TENM3: variants seen among roughly 807,000 people sequenced by gnomAD.
TENM3 encodes teneurin-3.
Under a neutral mutation model 255.1 loss-of-function variants are expected in TENM3, and 63 were observed. The ratio of observed to expected loss-of-function variants is 0.25; its 90% CI spans 0.20 to 0.30. TENM3 has a LOEUF of 0.30. Ranked by LOEUF, TENM3 falls within the 10% of genes least tolerant of loss-of-function variation. The probability of loss-of-function intolerance (pLI) is 1.00; values close to 1 mark genes in which losing one functional copy is unlikely to be tolerated. For synonymous variants in TENM3, 1,306 were observed against 1,322.3 expected, an observed-to-expected ratio of 0.99 and a Z score of 0.27; for missense variants, 2,929 against 3,461.1, an observed-to-expected ratio of 0.85 and a Z score of 3.86.
the TENM3 span, among the ~76,000 whole-genome samples, chr4:181,647,581 C>T: frequency 6.6e-6 from 1 of 151,952 alleles, no homozygotes; most frequent in Non-Finnish European, 1.5e-5. Context: ...ACGAAACAGC[C>T]GCAAGATAAA....
the TENM3 span, among the ~76,000 whole-genome samples, chr4:181,784,112 A>G: frequency 6.6e-6 from 1 of 151,768 alleles, no homozygotes. Context: ...TAGCTGCAAT[A>G]ATGACATTCT....
In TENM3 at chr4:182,515,247, G is replaced by T. The variant is rs1580798132; in HGVS notation, c.512-85677G>T. Among the ~76,000 whole-genome samples, 3 of 152,318 alleles carry T rather than the reference G, an allele frequency of 2.0e-5. No individual in the cohort carries two copies. The East Asian group carries it at 5.8e-4, about 29-fold the overall frequency. ...GGCCTTAAAGGGAAAATATATTGAT[G>T]TGGGTGACAGTCACTAAGTGAGGCG... is the stretch of plus-strand genomic sequence containing the variant. On this transcript the variant is annotated intron_variant, in intron 3 of 27. Coordinates refer to ENST00000511685, the MANE Select transcript of TENM3 (RefSeq NM_001080477.4).
intron 3 of TENM3, among the ~76,000 whole-genome samples, chr4:182,407,094 C>G (rs962047708): frequency 4.6e-5 from 7 of 152,148 alleles, no homozygotes; most frequent in Non-Finnish European, 1.0e-4. Flanking sequence ...ACAGGCTGAT[C>G]TGTGATGTGT....
chr4:182,263,903 T>C (rs1026266744), intron 1 of TENM3, among the ~76,000 whole-genome samples: 2 of 152,162 alleles, frequency 1.3e-5, no homozygotes, highest in African/African-American at 4.8e-5. Context: ...GTCTGTGTTT[T>C]ATCACTTGTA....
intron 1 of TENM3, among the ~76,000 whole-genome samples, chr4:182,185,113 G>T (rs763433710): frequency 4.6e-5 from 7 of 152,038 alleles, no homozygotes; most frequent in Admixed American, 1.3e-4. Flanking sequence ...TCAGACTTTT[G>T]GAAGGAGGAC....
chr4:181,527,205 A>G, the TENM3 span, among the ~76,000 whole-genome samples: 1 of 152,242 alleles, frequency 6.6e-6, no homozygotes, highest in Non-Finnish European at 1.5e-5. Flanking sequence ...GATTTCACAG[A>G]TGAATGATTT....
chr4:182,724,161 T>G (rs1759980841), intron 13 of TENM3, among the ~76,000 whole-genome samples: 1 of 152,218 alleles, frequency 6.6e-6, no homozygotes, highest in Non-Finnish European at 1.5e-5. Flanking sequence ...GCATTTCTGA[T>G]TTATGTAGAT....
chr4:181,651,029 C>A, the TENM3 span, among the ~76,000 whole-genome samples: 2 of 152,272 alleles, frequency 1.3e-5, no homozygotes, highest in African/African-American at 4.8e-5. Flanking sequence ...GGCCTTCTAT[C>A]AAGCATGATG....
chr4:182,143,903 CT>C (rs1749669123), upstream of TENM3: 1 of 152,664 alleles, frequency 6.6e-6, no homozygotes, highest in Non-Finnish European at 1.5e-5. This position sits in a 1 kb window ranked among gnomAD's most constrained non-coding sequence, Gnocchi z 4.3. Flanking sequence ...AGCCTCGGTG[CT>C]TTCCCGAACC....
At chr4:182,460,216 T>G (rs777658194) in intron 3 of TENM3, among the ~76,000 whole-genome samples, 5 of 152,138 alleles carry the variant, frequency 3.3e-5, no homozygotes, top group African/African-American at 4.8e-5. Flanking sequence ...AAAAATTGAA[T>G]AAAGAAAGGT....
chr4:181,478,132 G>T, the TENM3 span, among the ~76,000 whole-genome samples: 1 of 152,252 alleles, frequency 6.6e-6, no homozygotes, highest in South Asian at 2.1e-4. Flanking sequence ...TGAGCAGATT[G>T]GGAGACTACT....
chr4:181,698,950 T>G, the TENM3 span, among the ~76,000 whole-genome samples: 2 of 152,196 alleles, frequency 1.3e-5, no homozygotes, highest in Non-Finnish European at 2.9e-5. Context: ...TAACTTTTTT[T>G]AAAAGAAAAC....
At chr4:182,111,062 A>T in the TENM3 span, among the ~76,000 whole-genome samples, 2 of 152,166 alleles carry the variant, frequency 1.3e-5, no homozygotes, top group Admixed American at 1.3e-4. Context: ...GAAGTAAAGC[A>T]TGTCAACTAA....
the TENM3 span, among the ~76,000 whole-genome samples, chr4:181,854,232 T>C: frequency 6.6e-6 from 1 of 152,194 alleles, no homozygotes; most frequent in Non-Finnish European, 1.5e-5. Context: ...GGAAGTTTTA[T>C]CAAAACCCCC....
chr4:182,075,560 A>G, the TENM3 span, among the ~76,000 whole-genome samples: 1 of 152,120 alleles, frequency 6.6e-6, no homozygotes, highest in Admixed American at 6.6e-5. Flanking sequence ...TCTGTAGGCT[A>G]ATTTGCTCTC....
At chr4:181,787,478 C>T in the TENM3 span, among the ~76,000 whole-genome samples, 4 of 151,986 alleles carry the variant, frequency 2.6e-5, no homozygotes, top group African/African-American at 9.7e-5. Context: ...GCTGGAATTA[C>T]AGGTGCACGC....
chr4:182,108,099 T>G, the TENM3 span, among the ~76,000 whole-genome samples: 3 of 152,180 alleles, frequency 2.0e-5, no homozygotes, highest in Non-Finnish European at 2.9e-5. Context: ...CAGTCTCCAC[T>G]TAGACTTGCC....
intron 1 of TENM3, among the ~76,000 whole-genome samples, chr4:182,204,396 T>C (rs1754412109): frequency 6.6e-6 from 1 of 152,236 alleles, no homozygotes; most frequent in African/African-American, 2.4e-5. Context: ...TAATTCATAA[T>C]AGGTTGTTTT....
chr4:182,637,135 A>C (rs1751911461), intron 5 of TENM3, among the ~76,000 whole-genome samples: 1 of 152,094 alleles, frequency 6.6e-6, no homozygotes. Flanking sequence ...AGGTTAAAAA[A>C]ACTTGAATTA....
Sources: gnomAD v4.1 joint callset for allele counts (sites outside exome capture counted in the v4.1 genomes callset) on GRCh38, gnomAD v4.1.1 for gene constraint, Gnocchi (gnomAD v3.1) non-coding constraint, MANE v1.5 for transcripts, NCBI Gene and HGNC (gene_info 2026-07-23, HGNC 2026-07-21) for gene names.